The following SNTG2 variants were observed in gnomAD, a reference collection of about 807,000 sequenced individuals.
The protein encoded by SNTG2 is gamma-2-syntrophin.
A neutral mutation model predicts 70.9 loss-of-function variants in SNTG2; 74 were observed. That is an observed-to-expected ratio of 1.04 (90% CI 0.86 to 1.27). The LOEUF is 1.27. Among genes scored for constraint, SNTG2 ranks in the 50% most tolerant of loss-of-function variants. The probability of loss-of-function intolerance (pLI) is 0.00; values close to 1 mark genes in which losing one functional copy is unlikely to be tolerated. For synonymous variants in SNTG2, 278 were observed against 273.8 expected, an observed-to-expected ratio of 1.02 and a Z score of -0.15; for missense variants, 717 against 690.7, an observed-to-expected ratio of 1.04 and a Z score of -0.43.
intron 14 of SNTG2, among the ~76,000 whole-genome samples, chr2:1,285,049 G>A (rs1271585704): frequency 6.6e-6 from 1 of 151,926 alleles, no homozygotes; most frequent in Non-Finnish European, 1.5e-5. Context: ...CCAAGCTGAG[G>A]AGCAAGGAAG....
chr2:1,103,423 G>A (rs146895379), intron 4 of SNTG2: 28,730 of 251,212 alleles, frequency 0.11, 1,951 homozygotes, highest in Admixed American at 0.16. Context: ...TTGCTCTGTC[G>A]CCCAGGCTGG....
intron 9 of SNTG2, among the ~76,000 whole-genome samples, chr2:1,213,332 T>G (rs1330129792): frequency 2.0e-5 from 3 of 152,164 alleles, no homozygotes; most frequent in Admixed American, 1.3e-4. Flanking sequence ...AGTGAAAAGA[T>G]GTATAAAGAA....
chr2:1,355,539 C>G (rs1323717947), intron 16 of SNTG2, among the ~76,000 whole-genome samples: 1 of 152,184 alleles, frequency 6.6e-6, no homozygotes, highest in Non-Finnish European at 1.5e-5. Flanking sequence ...TTTTTTAAGG[C>G]TGAATAACGT....
intron 9 of SNTG2, among the ~76,000 whole-genome samples, chr2:1,229,949 G>A (rs1023451311): frequency 6.6e-5 from 10 of 152,184 alleles, no homozygotes; most frequent in Non-Finnish European, 1.2e-4. Context: ...AGCGCCGCAC[G>A]CAGCCCCCGT....
At chr2:1,046,237 C>T (rs1661728607) in intron 1 of SNTG2, among the ~76,000 whole-genome samples, 1 of 151,976 alleles carries the variant, frequency 6.6e-6, no homozygotes, top group Admixed American at 6.6e-5. Flanking sequence ...ATTCATTTCC[C>T]CTAAGCCTAT....
At chr2:1,352,176 C>A (rs142036907) in intron 16 of SNTG2, among the ~76,000 whole-genome samples, 151 of 152,324 alleles carry the variant, frequency 9.9e-4, no homozygotes, top group African/African-American at 3.3e-3. Context: ...CTGTAAAAAT[C>A]ATTTACTCCT....
chr2:1,315,759 G>A (rs771061997), intron 15 of SNTG2, among the ~76,000 whole-genome samples: 8 of 152,102 alleles, frequency 5.3e-5, no homozygotes, highest in Non-Finnish European at 1.2e-4. Context: ...CTAAGGTTTA[G>A]TGTTTCACAT....
At chr2:1,106,607 T>G (rs62107410) in intron 4 of SNTG2, among the ~76,000 whole-genome samples, 6 of 67,376 alleles carry the variant, frequency 8.9e-5, no homozygotes, top group Admixed American at 6.5e-4. Flanking sequence ...TGCTGTCACT[T>G]GGGTGCAGGG....
At chr2:1,257,017 A>G (rs1387752049) in intron 12 of SNTG2, among the ~76,000 whole-genome samples, 1 of 151,878 alleles carries the variant, frequency 6.6e-6, no homozygotes, top group Non-Finnish European at 1.5e-5. Flanking sequence ...GATTTACAGA[A>G]AACAGTGGAA....
intron 4 of SNTG2, among the ~76,000 whole-genome samples, chr2:1,103,132 C>T (rs568438018): frequency 3.3e-5 from 5 of 152,142 alleles, no homozygotes; most frequent in Admixed American, 1.3e-4. Flanking sequence ...GCTGGGAGGT[C>T]GAGATAGGTC....
intron 14 of SNTG2, among the ~76,000 whole-genome samples, chr2:1,303,806 G>A (rs186249651): frequency 1.5e-3 from 235 of 152,274 alleles, no homozygotes; most frequent in African/African-American, 5.1e-3. Flanking sequence ...TGTAAACTTC[G>A]ACAGGATAAT....
intron 14 of SNTG2, among the ~76,000 whole-genome samples, chr2:1,284,000 C>T (rs1679666347): frequency 6.6e-6 from 1 of 152,086 alleles, no homozygotes; most frequent in Admixed American, 6.5e-5. Flanking sequence ...TTTGAAAGTC[C>T]CCGCAGTGAG....
chr2:1,062,547 A>G (rs1251789372), intron 1 of SNTG2, among the ~76,000 whole-genome samples: 3 of 152,256 alleles, frequency 2.0e-5, no homozygotes, highest in African/African-American at 7.2e-5. Context: ...TAGAAAAAAG[A>G]AAAATAAGAG....
intron 16 of SNTG2, among the ~76,000 whole-genome samples, chr2:1,351,721 C>G (rs1192992049): frequency 1.3e-5 from 2 of 152,212 alleles, no homozygotes; most frequent in African/African-American, 4.8e-5. Flanking sequence ...AAAGCACCTG[C>G]TCATTTACAC....
intron 16 of SNTG2, among the ~76,000 whole-genome samples, chr2:1,360,834 G>A (rs932244415): frequency 1.3e-5 from 2 of 152,146 alleles, no homozygotes; most frequent in Admixed American, 1.3e-4. Context: ...CTCTAAATAA[G>A]AGAGCAGTGT....
At chr2:1,117,205 A>G (rs1041061435) in intron 4 of SNTG2, among the ~76,000 whole-genome samples, 1 of 152,132 alleles carries the variant, frequency 6.6e-6, no homozygotes, top group Non-Finnish European at 1.5e-5. Flanking sequence ...AGGTAAGAAC[A>G]TCACTCAAGA....
chr2:1,055,708 A>G (rs1438398903), intron 1 of SNTG2, among the ~76,000 whole-genome samples: 3 of 152,210 alleles, frequency 2.0e-5, no homozygotes, highest in African/African-American at 7.2e-5. Flanking sequence ...CCGGAACAGT[A>G]ATTGATCTTA....
chr2:1,052,680 C>G (rs1662143155), intron 1 of SNTG2, among the ~76,000 whole-genome samples: 1 of 152,190 alleles, frequency 6.6e-6, no homozygotes, highest in African/African-American at 2.4e-5. Flanking sequence ...GATCACTGGC[C>G]ATGTCGTCCT....
At chr2:1,270,802 C>T (rs144468596) in intron 14 of SNTG2, among the ~76,000 whole-genome samples, 1 of 152,192 alleles carries the variant, frequency 6.6e-6, no homozygotes, top group South Asian at 2.1e-4. Context: ...TGACTTTGAT[C>T]GTATTCCAAC....
Sources: gnomAD v4.1 joint callset for allele counts (sites outside exome capture counted in the v4.1 genomes callset) on GRCh38, gnomAD v4.1.1 for gene constraint, MANE v1.5 for transcripts, NCBI Gene and HGNC (gene_info 2026-07-23, HGNC 2026-07-21) for gene names.